The following LRP12 variants were observed in gnomAD, a reference collection of about 807,000 sequenced individuals.
The protein encoded by LRP12 is low-density lipoprotein receptor-related protein 12.
LRP12 carries 14 observed loss-of-function variants against 66.0 expected under a neutral mutation model. The ratio of observed to expected loss-of-function variants is 0.21; its 90% CI spans 0.14 to 0.33. LRP12 has a LOEUF of 0.33. Ranked by LOEUF, LRP12 falls within the 10% of genes least tolerant of loss-of-function variation. The pLI is 1.00. For missense variants in LRP12, 889 were observed against 1,053.4 expected (o/e 0.84, Z 2.16); for synonymous variants, 357 against 359.1 (o/e 0.99, Z 0.07).
intron 1 of LRP12, among the ~76,000 whole-genome samples, chr8:104,547,098 T>C (rs1334931770): frequency 6.9e-6 from 1 of 144,968 alleles, no homozygotes; most frequent in Non-Finnish European, 1.5e-5. Flanking sequence ...TCATAGTTTG[T>C]ATATAATATA....
chr8:104,564,176 G>A (rs1291210885), intron 1 of LRP12, among the ~76,000 whole-genome samples: 1 of 152,056 alleles, frequency 6.6e-6, no homozygotes, highest in East Asian at 1.9e-4. Context: ...ATATGTAAAA[G>A]GTAACACAAC....
intron 1 of LRP12, among the ~76,000 whole-genome samples, chr8:104,546,895 AT>A (rs1811568065): frequency 1.4e-5 from 2 of 142,820 alleles, no homozygotes; most frequent in East Asian, 2.0e-4. Flanking sequence ...TCTTATAATT[AT>A]TATTATATAT....
Position 104,531,900 on chromosome 8 carries a change from G to T in LRP12, c.136+7C>A. ...ATGAAATTTAAACATTACAAAAAAT[G>T]ACTTACCAGTTGACACTCCTGAAAT... On this transcript the variant is annotated splice_region_variant and intron_variant, in intron 2 of 6. Coordinates refer to ENST00000276654, the MANE Select transcript of LRP12 (RefSeq NM_013437.5). The T allele has an allele frequency of 6.4e-7, 1 of 1,572,342 alleles. No individual in the cohort carries two copies. The highest frequency in any genetic ancestry group is 1.4e-5 in the African/African-American group (1 of 72,866).
intron 1 of LRP12, among the ~76,000 whole-genome samples, chr8:104,547,866 AC>A (rs1811620945): frequency 1.6e-5 from 2 of 128,670 alleles, no homozygotes; most frequent in Admixed American, 9.0e-5. Context: ...TATATAATAT[AC>A]AATTCTGTTA....
chr8:104,517,036 CTGTT>C (rs1490850353), intron 2 of LRP12, among the ~76,000 whole-genome samples: 3 of 151,754 alleles, frequency 2.0e-5, no homozygotes, highest in African/African-American at 7.2e-5. Flanking sequence ...AAGTAAATGT[CTGTT>C]TATGTTTACT....
At chr8:104,523,887 T>G (rs185509835) in intron 2 of LRP12, among the ~76,000 whole-genome samples, 22 of 152,322 alleles carry the variant, frequency 1.4e-4, no homozygotes, top group Admixed American at 1.4e-3. Context: ...AGTAGCATAC[T>G]GTAAATGAAT....
At chr8:104,545,279 A>C (rs1330163492) in intron 1 of LRP12, among the ~76,000 whole-genome samples, 5 of 152,198 alleles carry the variant, frequency 3.3e-5, no homozygotes, top group Admixed American at 6.5e-5. Context: ...CTTCAGATGC[A>C]ATCTATTCCT....
chr8:104,520,383 A>C (rs1450380278), intron 2 of LRP12, among the ~76,000 whole-genome samples: 1 of 152,064 alleles, frequency 6.6e-6, no homozygotes, highest in Non-Finnish European at 1.5e-5. Context: ...CAAATGGGAA[A>C]AATTACTAAT....
intron 1 of LRP12, among the ~76,000 whole-genome samples, chr8:104,585,698 T>A (rs1183881275): frequency 6.6e-6 from 1 of 151,956 alleles, no homozygotes; most frequent in East Asian, 1.9e-4. Context: ...TAGTTAAGAG[T>A]ACGATTTCAT....
intron 1 of LRP12, among the ~76,000 whole-genome samples, chr8:104,581,586 T>C (rs1812250101): frequency 6.6e-6 from 1 of 152,180 alleles, no homozygotes; most frequent in Non-Finnish European, 1.5e-5. Context: ...AATTTATATT[T>C]TAAGAACAGG....
chr8:104,549,442 G>A (rs975064180), intron 1 of LRP12, among the ~76,000 whole-genome samples: 5 of 125,170 alleles, frequency 4.0e-5, no homozygotes, highest in East Asian at 2.3e-4. Flanking sequence ...TTGCTCTGTC[G>A]CCCAGGCTGG....
chr8:104,569,434 T>A (rs1365097312), intron 1 of LRP12, among the ~76,000 whole-genome samples: 4 of 152,100 alleles, frequency 2.6e-5, no homozygotes, highest in Admixed American at 6.5e-5. Flanking sequence ...TGTTATTTTT[T>A]AAAAAGCATA....
intron 1 of LRP12, among the ~76,000 whole-genome samples, chr8:104,560,904 G>A (rs754176079): frequency 2.6e-5 from 4 of 152,150 alleles, no homozygotes; most frequent in Non-Finnish European, 4.4e-5. Flanking sequence ...AGTTAAAGAA[G>A]CCACATCAGC....
chr8:104,571,722 A>C (rs1452996490), intron 1 of LRP12, among the ~76,000 whole-genome samples: 1 of 152,208 alleles, frequency 6.6e-6, no homozygotes, highest in Non-Finnish European at 1.5e-5. Context: ...GCACCACCTG[A>C]GGTCCACCTC....
At chr8:104,544,438 C>G (rs1052071854) in intron 1 of LRP12, among the ~76,000 whole-genome samples, 1 of 152,160 alleles carries the variant, frequency 6.6e-6, no homozygotes, top group Non-Finnish European at 1.5e-5. Flanking sequence ...GTAGATGAAA[C>G]AGCCTTCTAT....
At chr8:104,571,557 C>T (rs1812080437) in intron 1 of LRP12, among the ~76,000 whole-genome samples, 1 of 152,122 alleles carries the variant, frequency 6.6e-6, no homozygotes, top group African/African-American at 2.4e-5. Flanking sequence ...TTCCTGTCAC[C>T]TTGTGAAGAA....
chr8:104,583,845 A>G (rs1374484415), intron 1 of LRP12, among the ~76,000 whole-genome samples: 2 of 152,226 alleles, frequency 1.3e-5, no homozygotes, highest in Non-Finnish European at 2.9e-5. Flanking sequence ...ATAAATAAAG[A>G]CTAATCACGC....
intron 2 of LRP12, among the ~76,000 whole-genome samples, chr8:104,527,051 C>T (rs1334202710): frequency 6.7e-6 from 1 of 149,914 alleles, no homozygotes; most frequent in Admixed American, 6.6e-5. Context: ...CAAAAGAAGA[C>T]ATTTATGCAG....
intron 1 of LRP12, among the ~76,000 whole-genome samples, chr8:104,565,517 C>T (rs563094712): frequency 1.1e-4 from 17 of 152,160 alleles, no homozygotes; most frequent in African/African-American, 3.4e-4. Context: ...ATTACTCAAA[C>T]GTGAGGGCAA....
Sources: allele counts gnomAD v4.1 joint callset (sites outside exome capture counted in the v4.1 genomes callset), GRCh38; gene constraint gnomAD v4.1.1; transcripts MANE v1.5; gene names NCBI Gene and HGNC (gene_info 2026-07-23, HGNC 2026-07-21).